RNGTT: variants seen among roughly 807,000 people sequenced by gnomAD.
RNGTT encodes the protein mRNA-capping enzyme.
RNGTT carries 33 observed loss-of-function variants against 79.3 expected under a neutral mutation model. That is an observed-to-expected ratio of 0.42 (90% CI 0.32 to 0.56). The LOEUF (loss-of-function observed/expected upper bound fraction) is 0.56. Ranked by LOEUF, RNGTT falls within the 20% of genes least tolerant of loss-of-function variation. The pLI, the probability that RNGTT is intolerant of heterozygous loss-of-function variation, is 0.17. For synonymous variants in RNGTT, 222 were observed against 235.9 expected (o/e 0.94, Z 0.54); for missense variants, 497 against 739.1 (o/e 0.67, Z 3.80).
chr6:88,686,131 A>G (rs1775269271), intron 13 of RNGTT, among the ~76,000 whole-genome samples: 1 of 151,154 alleles, frequency 6.6e-6, no homozygotes, highest in South Asian at 2.1e-4. Flanking sequence ...TTGTATTACC[A>G]GCAACATGCA....
At position 88,723,818 on chromosome 6, in the gene RNGTT, A is replaced by G. The variant is rs376340735; in HGVS notation, c.1440-45399T>C. Among the ~76,000 whole-genome samples the G allele has an allele frequency of 9.2e-5, 14 of 152,196 alleles. No homozygotes were observed. The East Asian group carries it at 1.7e-3, about 19-fold the overall frequency. On this transcript the variant is annotated intron_variant, in intron 13 of 15. Coordinates refer to ENST00000369485, the MANE Select transcript of RNGTT (RefSeq NM_003800.5). ...GGGCTCATTGCAACCTCCGCCTCCC[A>G]GGTTCAAGCGATTCTCCTGCCTCAG... is the stretch of plus-strand genomic sequence containing the variant.
At chr6:88,636,564 C>T (rs2127771425) in intron 14 of RNGTT, among the ~76,000 whole-genome samples, 1 of 151,732 alleles carries the variant, frequency 6.6e-6, no homozygotes, top group East Asian at 1.9e-4. Context: ...TAAATATTTT[C>T]ACCTTTCTTT....
Position 88,959,469 on chromosome 6 carries a change from T to C in RNGTT, c.64+3877A>G, listed in dbSNP as rs1785543213. Among the ~76,000 whole-genome samples the C allele has an allele frequency of 1.3e-5, 2 of 152,216 alleles. 1 individual carries two copies. Among genetic ancestry groups the C allele is most frequent in the South Asian group, 4.1e-4 (2 of 4,836 alleles). On this transcript the variant is annotated intron_variant, in intron 1 of 15. Transcript: ENST00000369485. Reference sequence around the variant, plus strand: ...CAGTAAGCCCTAATAATATCAACTATCTCATGTGCATAAGCCAGACATTTG... The same window carrying C: ...CAGTAAGCCCTAATAATATCAACTACCTCATGTGCATAAGCCAGACATTTG...
At chr6:88,831,757 C>T (rs777079044) in intron 11 of RNGTT, among the ~76,000 whole-genome samples, 9 of 152,278 alleles carry the variant, frequency 5.9e-5, no homozygotes, top group Admixed American at 2.0e-4. Context: ...GATACAAAAT[C>T]GATGCACAAA....
intron 13 of RNGTT, among the ~76,000 whole-genome samples, chr6:88,680,158 C>A (rs989898357): frequency 2.6e-5 from 4 of 152,168 alleles, no homozygotes; most frequent in Admixed American, 2.0e-4. Flanking sequence ...AATTAGAACA[C>A]AAGATTATCG....
At chr6:88,806,148 T>TCA (rs1221953575) in intron 11 of RNGTT, among the ~76,000 whole-genome samples, 2 of 151,882 alleles carry the variant, frequency 1.3e-5, no homozygotes, top group Admixed American at 6.6e-5. Context: ...AAATTCTGTC[T>TCA]CACACACACA....
At chr6:88,691,035 G>A (rs1042159970) in intron 13 of RNGTT, among the ~76,000 whole-genome samples, 3 of 152,126 alleles carry the variant, frequency 2.0e-5, no homozygotes, top group Non-Finnish European at 4.4e-5. Flanking sequence ...GAAGCTACAT[G>A]TCAAAGAGCA....
intron 12 of RNGTT, among the ~76,000 whole-genome samples, chr6:88,788,138 T>G (rs984413477): frequency 6.6e-6 from 1 of 151,928 alleles, no homozygotes; most frequent in Non-Finnish European, 1.5e-5. Flanking sequence ...AGTATCAGAG[T>G]GGGCAAAAAG....
chr6:88,698,761 T>C (rs931821055), intron 13 of RNGTT, among the ~76,000 whole-genome samples: 2 of 152,274 alleles, frequency 1.3e-5, no homozygotes, highest in African/African-American at 4.8e-5. Flanking sequence ...CCTAGATATA[T>C]GCATTGTTCA....
intron 11 of RNGTT, among the ~76,000 whole-genome samples, chr6:88,813,297 T>C (rs529216757): frequency 2.0e-5 from 3 of 152,214 alleles, no homozygotes; most frequent in South Asian, 4.2e-4. Context: ...ATGAGATCCA[T>C]GAGGTAGTAT....
chr6:88,929,023 C>T lies in RNGTT; in HGVS notation c.329G>A (p.Cys110Tyr). 1 of 1,612,950 alleles carries T rather than the reference C, an allele frequency of 6.2e-7. No homozygotes were observed. The highest frequency in any genetic ancestry group is 8.5e-7 in the Non-Finnish European group (1 of 1,179,478). ...TGGATTTCTTTCATTAAACCGCTCACACAGACGAATAAAGGTCTCAGTATT... is the reference window on the plus strand; with the variant it reads ...TGGATTTCTTTCATTAAACCGCTCATACAGACGAATAAAGGTCTCAGTATT... ...TENTETFIRL[C>Y]ERFNERNPPE... is the part of the protein sequence containing the mutation. Residue 110 changes from cysteine to tyrosine, a missense_variant, in exon 4 of 16, where the codon TGT (cysteine) becomes TAT (tyrosine). This residue lies in a region of RNGTT where 440 missense variants were observed against 671.5 expected (regional missense o/e 0.66). Transcript: ENST00000369485.
At chr6:88,812,144 C>T (rs1780159622) in intron 11 of RNGTT, among the ~76,000 whole-genome samples, 1 of 152,078 alleles carries the variant, frequency 6.6e-6, no homozygotes, top group South Asian at 2.1e-4. Context: ...CACTATTTAC[C>T]AATAGTGCCT....
intron 1 of RNGTT, among the ~76,000 whole-genome samples, chr6:88,959,074 T>G (rs940225010): frequency 6.6e-6 from 1 of 152,202 alleles, no homozygotes; most frequent in Non-Finnish European, 1.5e-5. Flanking sequence ...TAGATGGAGT[T>G]GGACCCCATC....
intron 1 of RNGTT, among the ~76,000 whole-genome samples, chr6:88,957,091 C>T (rs1486227849): frequency 1.3e-5 from 2 of 152,038 alleles, no homozygotes; most frequent in South Asian, 4.1e-4. Context: ...GAATTAAAAA[C>T]AAAAATCACA....
At chr6:88,927,353 C>G (rs1784354695) in intron 4 of RNGTT, among the ~76,000 whole-genome samples, 1 of 151,808 alleles carries the variant, frequency 6.6e-6, no homozygotes, top group African/African-American at 2.4e-5. Context: ...ATGGTGAAAC[C>G]CCATCTCTAC....
chr6:88,861,648 T>G (rs1459445321), intron 8 of RNGTT, among the ~76,000 whole-genome samples: 1 of 152,160 alleles, frequency 6.6e-6, no homozygotes, highest in African/African-American at 2.4e-5. Flanking sequence ...CAACGAAAAC[T>G]CTGATCAAAG....
chr6:88,612,803 T>G lies in RNGTT; in HGVS notation c.1710A>C (p.Gln570His), dbSNP rs1772080491. ...EFIDRCTAAS[Q>H]GQKRKHHLDP... ...CCAGATGATGTTTTCGCTTCTGTCC[T>G]TGAGAAGCTGCAGTACATCTGTCGA... Residue 570 changes from glutamine to histidine, a missense_variant, in exon 16 of 16, where the codon CAA becomes CAC. Physicochemically the swap from Gln to His is conservative, Grantham distance 24. Transcript: ENST00000369485. 6.2e-7 allele frequency: 1 copy of G among 1,613,560 alleles called. No individual in the cohort carries two copies. The highest frequency in any genetic ancestry group is 1.7e-5 in the Admixed American group (1 of 59,992).
intron 12 of RNGTT, among the ~76,000 whole-genome samples, chr6:88,777,818 C>T (rs775097186): frequency 6.6e-6 from 1 of 152,088 alleles, no homozygotes; most frequent in Non-Finnish European, 1.5e-5. Context: ...TTACTAGTAG[C>T]TCCAGTATTA....
At position 88,669,865 on chromosome 6, in the gene RNGTT, G is replaced by A. The variant is rs182995911; in HGVS notation, c.1506+8488C>T. Among the ~76,000 whole-genome samples, 10 of 152,324 alleles carry A rather than the reference G, an allele frequency of 6.6e-5. No individual in the cohort carries two copies. In the South Asian group the frequency reaches 1.0e-3, roughly 16 times the overall value. On this transcript the variant is annotated intron_variant, in intron 14 of 15. Coordinates refer to ENST00000369485, the MANE Select transcript of RNGTT (RefSeq NM_003800.5). Reference sequence around the variant, plus strand: ...AATTGGAAAGATGATGAGTGGTCCCGTGAAAGAATCATATAGTACTATGGG... The same window carrying A: ...AATTGGAAAGATGATGAGTGGTCCCATGAAAGAATCATATAGTACTATGGG...
Sources: allele counts gnomAD v4.1 joint callset (sites outside exome capture counted in the v4.1 genomes callset), GRCh38; gene constraint gnomAD v4.1.1; regional missense constraint gnomAD v4.1.1; transcripts MANE v1.5; gene names NCBI Gene and HGNC (gene_info 2026-07-23, HGNC 2026-07-21).